Variants in UST observed in about 807,000 individuals in gnomAD.
UST encodes uronyl 2-sulfotransferase.
In UST, 21 loss-of-function variants were observed where a neutral mutation model predicts 45.6. The observed-to-expected ratio is 0.46, with a 90% CI of 0.33 to 0.66. UST has a LOEUF of 0.66. Among genes scored for constraint, UST ranks in the 30% least tolerant of loss-of-function variants. The pLI, the probability that UST is intolerant of heterozygous loss-of-function variation, is 0.02. For synonymous variants in UST, 215 were observed against 200.6 expected (o/e 1.07, Z -0.61); for missense variants, 463 against 512.4 (o/e 0.90, Z 0.93).
intron 7 of UST, among the ~76,000 whole-genome samples, chr6:149,067,654 AC>A (rs951128133): frequency 9.2e-5 from 14 of 152,174 alleles, no homozygotes; most frequent in African/African-American, 3.4e-4. Flanking sequence ...TGGAAAGGCT[AC>A]CTGGGATCTT....
intron 5 of UST, among the ~76,000 whole-genome samples, chr6:148,969,190 C>A (rs966030595): frequency 6.6e-6 from 1 of 152,220 alleles, no homozygotes; most frequent in African/African-American, 2.4e-5. Context: ...CCAGCTGAGA[C>A]TGTCCTTTGA....
chr6:148,801,985 T>C (rs971966918), intron 1 of UST, among the ~76,000 whole-genome samples: 3 of 152,206 alleles, frequency 2.0e-5, no homozygotes, highest in Admixed American at 6.5e-5. Context: ...TTCAGTTTTC[T>C]CATCTGTAAA....
intron 1 of UST, among the ~76,000 whole-genome samples, chr6:148,805,528 G>C (rs1228894338): frequency 6.6e-6 from 1 of 152,144 alleles, no homozygotes; most frequent in Non-Finnish European, 1.5e-5. Flanking sequence ...ACTCAGTATC[G>C]TAAAAGGTCA....
chr6:148,830,146 A>G (rs1214485854), intron 1 of UST, among the ~76,000 whole-genome samples: 6 of 152,170 alleles, frequency 3.9e-5, no homozygotes, highest in Non-Finnish European at 8.8e-5. Flanking sequence ...AGTTCCCTTA[A>G]TAGAGTGACT....
At chr6:148,914,393 A>AT (rs1779541794) in intron 2 of UST, among the ~76,000 whole-genome samples, 2 of 68,124 alleles carry the variant, frequency 2.9e-5, no homozygotes, top group South Asian at 5.2e-4. Flanking sequence ...TTTTCCATAG[A>AT]TTGGGGGGTG....
chr6:149,025,630 A>G (rs1776039056), intron 7 of UST, among the ~76,000 whole-genome samples: 1 of 152,164 alleles, frequency 6.6e-6, no homozygotes, highest in African/African-American at 2.4e-5. Flanking sequence ...TAATTATTAC[A>G]TATGATCACA....
At chr6:149,029,779 T>C (rs1273679164) in intron 7 of UST, among the ~76,000 whole-genome samples, 1 of 151,974 alleles carries the variant, frequency 6.6e-6, no homozygotes, top group Non-Finnish European at 1.5e-5. Context: ...TTGCTATTGG[T>C]TCATTTACCA....
At chr6:148,918,422 C>A (rs1395930318) in intron 2 of UST, among the ~76,000 whole-genome samples, 1 of 152,166 alleles carries the variant, frequency 6.6e-6, no homozygotes, top group Non-Finnish European at 1.5e-5. Context: ...TAATATAGCA[C>A]CTCATTCTTC....
intron 7 of UST, among the ~76,000 whole-genome samples, chr6:149,031,799 G>T (rs533345304): frequency 6.6e-6 from 1 of 152,228 alleles, no homozygotes; most frequent in Non-Finnish European, 1.5e-5. Context: ...GGGAAGGGCA[G>T]TATAAAGATG....
chr6:148,815,747 A>G (rs1292220516), intron 1 of UST, among the ~76,000 whole-genome samples: 1 of 152,284 alleles, frequency 6.6e-6, no homozygotes, highest in Non-Finnish European at 1.5e-5. Context: ...TGGATACATT[A>G]TTTTTATCAG....
chr6:148,991,553 C>T (rs1289947018), intron 5 of UST, among the ~76,000 whole-genome samples: 1 of 140,686 alleles, frequency 7.1e-6, no homozygotes, highest in African/African-American at 2.7e-5. Flanking sequence ...ATGTTCCCCA[C>T]CCTGTGTCCA....
At chr6:149,018,338 G>A (rs1246524541) in intron 5 of UST, among the ~76,000 whole-genome samples, 1 of 152,262 alleles carries the variant, frequency 6.6e-6, no homozygotes, top group East Asian at 1.9e-4. Context: ...TGCCTTGCCA[G>A]TATAGTCTCT....
intron 1 of UST, among the ~76,000 whole-genome samples, chr6:148,797,231 C>T (rs1483169609): frequency 2.6e-5 from 4 of 152,146 alleles, no homozygotes; most frequent in African/African-American, 9.7e-5. Flanking sequence ...CAGCTATGAT[C>T]ACACCACTGC....
At chr6:148,795,627 A>G (rs887978354) in intron 1 of UST, among the ~76,000 whole-genome samples, 7 of 152,158 alleles carry the variant, frequency 4.6e-5, no homozygotes, top group Admixed American at 2.0e-4. Context: ...ACCCTTAGGT[A>G]GAATAGCTTC....
At chr6:149,066,510 A>G (rs538274723) in intron 7 of UST, among the ~76,000 whole-genome samples, 1 of 152,278 alleles carries the variant, frequency 6.6e-6, no homozygotes, top group African/African-American at 2.4e-5. Context: ...CAAATGAAGC[A>G]AGAATTGGAT....
chr6:148,792,094 G>A (rs1182620275), intron 1 of UST, among the ~76,000 whole-genome samples: 1 of 152,190 alleles, frequency 6.6e-6, no homozygotes, highest in Non-Finnish European at 1.5e-5. Flanking sequence ...CTAGGAGTCA[G>A]CAGGTAGCTC....
At chr6:148,871,783 C>T (rs930905932) in intron 1 of UST, among the ~76,000 whole-genome samples, 2 of 152,174 alleles carry the variant, frequency 1.3e-5, no homozygotes, top group Non-Finnish European at 2.9e-5. Flanking sequence ...GAGAAACCCA[C>T]TCACTCCAAT....
chr6:148,858,894 A>G (rs1161798771), intron 1 of UST, among the ~76,000 whole-genome samples: 1 of 152,112 alleles, frequency 6.6e-6, no homozygotes, highest in African/African-American at 2.4e-5. Flanking sequence ...AATCCAGCCT[A>G]TCATTGATGG....
chr6:148,864,182 C>T (rs897500134), intron 1 of UST, among the ~76,000 whole-genome samples: 7 of 152,336 alleles, frequency 4.6e-5, no homozygotes, highest in Middle Eastern at 6.8e-3. Context: ...ACTTTGTTTA[C>T]CTACTCAAGC....
Sources: allele counts gnomAD v4.1 joint callset (sites outside exome capture counted in the v4.1 genomes callset), GRCh38; gene constraint gnomAD v4.1.1; transcripts MANE v1.5; gene names NCBI Gene and HGNC (gene_info 2026-07-23, HGNC 2026-07-21).